SELENON: variants seen among roughly 807,000 people sequenced by gnomAD.
SELENON encodes selenoprotein N, 1.
SELENON carries 44 observed loss-of-function variants against 59.5 expected under a neutral mutation model. That is an observed-to-expected ratio of 0.74 (90% CI 0.58 to 0.95). SELENON has a LOEUF of 0.95. SELENON is among the 40% of genes least tolerant of loss of function. The pLI, the probability that SELENON is intolerant of heterozygous loss-of-function variation, is 0.00. For missense variants in SELENON, 674 were observed against 721.4 expected (o/e 0.93, Z 0.75); for synonymous variants, 320 against 305.6 (o/e 1.05, Z -0.49).
chr1:25,817,588 CTG>C lies in SELENON; in HGVS notation c.*1873_*1874del, dbSNP rs2048022413. 2 of 152,228 alleles carry C rather than the reference CTG, an allele frequency of 1.3e-5. No homozygotes were observed. The highest frequency in any genetic ancestry group is 1.3e-4 in the Admixed American group (2 of 15,282). The allele number at this position is 152,228 out of a possible 1,614,324, so 9.4% of individuals were successfully genotyped here. On this transcript the variant is annotated 3_prime_UTR_variant, in exon 13 of 13. Transcript: ENST00000361547. Reference sequence around the variant, plus strand: ...TTCTCACTTAATCCTCACGACAAGCCTGTGAGGCAGATGCTCATTGTTCCCAT... The same window carrying C: ...TTCTCACTTAATCCTCACGACAAGCCTGAGGCAGATGCTCATTGTTCCCAT...
Position 25,809,882 on chromosome 1 carries a change from C to G in SELENON, c.1010+62C>G. On this transcript the variant is annotated intron_variant, in intron 7 of 12. Transcript: ENST00000361547. Reference sequence around the variant, plus strand: ...CTACAGCTTGTCCTGCTCCCCAGCTCCAGGAGCCTAGGGGCCTCTTCTGTC... The same window carrying G: ...CTACAGCTTGTCCTGCTCCCCAGCTGCAGGAGCCTAGGGGCCTCTTCTGTC... 3 of 1,592,780 alleles carry G rather than the reference C, an allele frequency of 1.9e-6. No individual in the cohort carries two copies. In the South Asian group the frequency reaches 3.3e-5, roughly 18 times the overall value.
intron 8 of SELENON, 75 bp from the exon 8 acceptor site, chr1:25,811,616 G>C (rs1572234857): frequency 1.2e-6 from 2 of 1,602,516 alleles, no homozygotes; most frequent in East Asian, 4.5e-5. Flanking sequence ...GAGCATTTTG[G>C]AGGGTCTCTA....
intron 10 of SELENON, 123 bp downstream of exon 9, chr1:25,812,915 G>T (rs2047979048): frequency 1.2e-5 from 9 of 726,626 alleles, no homozygotes; most frequent in Admixed American, 4.7e-5. Flanking sequence ...ACTGCCCATG[G>T]TAGGGGCGTG....
Position 25,815,516 on chromosome 1 carries a change from G to A in SELENON, c.1603-32G>A, listed in dbSNP as rs576904551. The stretch of plus-strand genomic sequence containing the variant: ...ACAGGGAGCCTGGGGGCCCCCCTCC[G>A]CCCCACTTGCCTCACCCGGCCCTTC... On this transcript the variant is annotated intron_variant, in intron 12 of 12. Coordinates refer to ENST00000361547, the MANE Select transcript of SELENON (RefSeq NM_020451.3). The A allele has an allele frequency of 8.7e-5, 140 of 1,611,416 alleles. 2 individuals are homozygous for A. In the South Asian group the frequency reaches 1.1e-3, roughly 12 times the overall value.
chr1:25,804,719 C>T (rs1202814017), intron 3 of SELENON, among the ~76,000 whole-genome samples: 1 of 147,554 alleles, frequency 6.8e-6, no homozygotes, highest in African/African-American at 2.5e-5. Flanking sequence ...AGTGCTCTCC[C>T]TATGACACCA....
At chr1:25,808,471 C>T in intron 4 of SELENON, 109 bp from the exon 4 acceptor site, 1 of 1,303,414 alleles carries the variant, frequency 7.7e-7, no homozygotes, top group Non-Finnish European at 1.1e-6. Flanking sequence ...CCATCTGCTC[C>T]CTTGGTGTGG....
chr1:25,812,035 G>A (rs576813182), intron 9 of SELENON, among the ~76,000 whole-genome samples, 156 bp downstream of exon 8: 111 of 152,324 alleles, frequency 7.3e-4, no homozygotes, highest in Middle Eastern at 6.8e-3. Context: ...GGGCCTCCCC[G>A]CTGCCATTCA....
At chr1:25,808,149 G>A (rs772089445) in intron 4 of SELENON, among the ~76,000 whole-genome samples, 1 of 152,244 alleles carries the variant, frequency 6.6e-6, no homozygotes, top group Non-Finnish European at 1.5e-5. Flanking sequence ...TAGGGCTGCT[G>A]GAGGGCCAGG....
rs893512368 is a variant in SELENON at position 25,807,593 on chromosome 1, A to G, written c.538-987A>G. On this transcript the variant is annotated intron_variant, in intron 4 of 12. Coordinates refer to ENST00000361547, the MANE Select transcript of SELENON (RefSeq NM_020451.3). The surrounding 1 kb of genome is among the most constrained non-coding windows in gnomAD (Gnocchi z 4.5). ...AGCAAGCCCAGCACCCATCGCTGGCAGGTCCCCTGCAGGGGGTGGCAAGCC... is the reference window on the plus strand; with the variant it reads ...AGCAAGCCCAGCACCCATCGCTGGCGGGTCCCCTGCAGGGGGTGGCAAGCC... Among the ~76,000 whole-genome samples, 12 of 152,204 alleles carry G rather than the reference A, an allele frequency of 7.9e-5. No individual in the cohort carries two copies. The highest frequency in any genetic ancestry group is 2.9e-4 in the African/African-American group (12 of 41,468).
At chr1:25,805,034 C>A in intron 3 of SELENON, 108 bp from the exon 3 acceptor site, 2 of 1,463,864 alleles carry the variant, frequency 1.4e-6, no homozygotes, top group Non-Finnish European at 1.9e-6. Context: ...ACCCCAGCTA[C>A]CCCCACCCCC....
In SELENON at chr1:25,809,722, C is replaced by T; in HGVS notation, c.912C>T (p.Phe304=). 6.2e-7 allele frequency: 1 copy of T among 1,614,172 alleles called. No homozygotes were observed. The highest frequency in any genetic ancestry group is 1.1e-5 in the South Asian group (1 of 91,086). Residue 304 remains phenylalanine, a synonymous_variant, in exon 7 of 13, where the codon TTC becomes TTT. Coordinates refer to ENST00000361547, the MANE Select transcript of SELENON (RefSeq NM_020451.3). ...TCCAGCTCAGTGAGCCGCCCGACTT[C>T]CCCTTTTGGTTCTCCCCTGCTCAGT...
At chr1:25,811,986 A>C (rs1417736866) in intron 9 of SELENON, 107 bp downstream of exon 8, 4 of 1,205,904 alleles carry the variant, frequency 3.3e-6, no homozygotes, top group Non-Finnish European at 4.8e-6. Flanking sequence ...AGGGCTTGCT[A>C]CTGAGGCTGT....
chr1:25,815,605 A>G lies in SELENON; in HGVS notation c.1660A>G (p.Ile554Val). 3.1e-6 allele frequency: 5 copies of G among 1,614,192 alleles called. No individual in the cohort carries two copies. Among genetic ancestry groups the G allele is most frequent in the Non-Finnish European group, 4.2e-6 (5 of 1,180,028 alleles). The change falls in exon 13 of 13, where the codon ATC becomes GTC. Residue 554 changes from isoleucine to valine, a missense_variant. Physicochemically the swap from Ile to Val is conservative, Grantham distance 29. Coordinates refer to ENST00000361547, the MANE Select transcript of SELENON (RefSeq NM_020451.3). ...CATCACCTCCGTGAAGCCCGAGGAAATCGAGAGCAATCTCTTCAGCTTCTC... is the reference window on the plus strand; with the variant it reads ...CATCACCTCCGTGAAGCCCGAGGAAGTCGAGAGCAATCTCTTCAGCTTCTC...
intron 3 of SELENON, among the ~76,000 whole-genome samples, chr1:25,802,436 A>G (rs544483365): frequency 1.3e-5 from 2 of 152,330 alleles, no homozygotes; most frequent in East Asian, 3.9e-4. Context: ...AGCTCACTGC[A>G]GCTTCTGCCT....
intron 10 of SELENON, 139 bp from the exon 10 acceptor site, chr1:25,813,742 C>G: frequency 2.7e-6 from 2 of 728,334 alleles, no homozygotes. Context: ...TTATTCAGCA[C>G]CTACTCTACC....
Position 25,808,622 on chromosome 1 carries a change from G to C in SELENON, c.580G>C (p.Ala194Pro), listed in dbSNP as rs560203077. 1.4e-4 allele frequency: 230 copies of C among 1,613,640 alleles called. 2 individuals carry two copies. In the South Asian group the frequency reaches 2.4e-3, roughly 17 times the overall value. Reference sequence around the variant, plus strand: ...GTCCGGCCTCCGAAACTGGACAGCCGCCGCCTCACCAAGTGCAGTGTTTGC... The same window carrying C: ...GTCCGGCCTCCGAAACTGGACAGCCCCCGCCTCACCAAGTGCAGTGTTTGC... Residue 194 changes from alanine (A) to proline (P), a missense_variant, in exon 5 of 13, where the codon GCC becomes CCC. By Grantham distance (27) the Ala-to-Pro change is conservative. Coordinates refer to ENST00000361547, the MANE Select transcript of SELENON (RefSeq NM_020451.3).
chr1:25,801,795 A>G (rs1280657687), intron 2 of SELENON, among the ~76,000 whole-genome samples: 1 of 152,188 alleles, frequency 6.6e-6, no homozygotes, highest in Non-Finnish European at 1.5e-5. Context: ...GGACACTGTC[A>G]TGATCCCCAT....
chr1:25,801,183 G>A, intron 2 of SELENON, 23 bp downstream of exon 2: 1 of 1,590,142 alleles, frequency 6.3e-7, no homozygotes, highest in Non-Finnish European at 8.6e-7. Flanking sequence ...ACTGGCGGCT[G>A]GGGAGGAGGG....
At chr1:25,801,843 C>T (rs1232300280) in intron 2 of SELENON, among the ~76,000 whole-genome samples, 1 of 152,186 alleles carries the variant, frequency 6.6e-6, no homozygotes, top group Non-Finnish European at 1.5e-5. Flanking sequence ...AGGCAGGCTC[C>T]CCAGTTTCCC....
Sources: gnomAD v4.1 joint callset for allele counts (sites outside exome capture counted in the v4.1 genomes callset) on GRCh38, gnomAD v4.1.1 for gene constraint, Gnocchi (gnomAD v3.1) non-coding constraint, MANE v1.5 for transcripts, NCBI Gene and HGNC (gene_info 2026-07-23, HGNC 2026-07-21) for gene names.